Variants in EVL observed in about 807,000 individuals in gnomAD.
EVL encodes Enah/Vasp-like.
EVL carries 21 observed loss-of-function variants against 59.6 expected under a neutral mutation model. The observed-to-expected ratio is 0.35, with a 90% CI of 0.25 to 0.51. EVL has a LOEUF of 0.51. Among genes scored for constraint, EVL ranks in the 20% least tolerant of loss-of-function variants. The pLI is 0.97. For synonymous variants in EVL, 198 were observed against 203.5 expected (o/e 0.97, Z 0.23); for missense variants, 462 against 546.6 (o/e 0.85, Z 1.54).
intron 1 of EVL, among the ~76,000 whole-genome samples, chr14:99,997,407 G>C (rs1724021426): frequency 6.6e-6 from 1 of 152,260 alleles, no homozygotes; most frequent in African/African-American, 2.4e-5. Context: ...CATAGGCTTA[G>C]CCTTTATGTA....
chr14:100,081,640 G>A (rs2062309468), intron 1 of EVL, among the ~76,000 whole-genome samples: 2 of 152,202 alleles, frequency 1.3e-5, no homozygotes, highest in South Asian at 2.1e-4. Context: ...CCTAAAAGGT[G>A]TGTGTGATAC....
At chr14:100,086,416 T>G (rs2140304025) in intron 2 of EVL, among the ~76,000 whole-genome samples, 1 of 152,348 alleles carries the variant, frequency 6.6e-6, no homozygotes. Flanking sequence ...TCCATGTCTT[T>G]GACACAAGGT....
intron 1 of EVL, among the ~76,000 whole-genome samples, chr14:100,007,397 G>A (rs932631562): frequency 5.9e-5 from 9 of 152,148 alleles, no homozygotes; most frequent in Admixed American, 3.3e-4. Context: ...GGCAGGTTTG[G>A]CCTAAGCAGT....
At chr14:100,140,135 C>T (rs1889073382) in intron 11 of EVL, 1 of 150,354 alleles carries the variant, frequency 6.7e-6, no homozygotes, top group South Asian at 2.1e-4. Context: ...TCTGTAGTCC[C>T]AGCTACTCGG....
At chr14:99,979,829 A>T (rs1292442110) in intron 1 of EVL, among the ~76,000 whole-genome samples, 1 of 152,258 alleles carries the variant, frequency 6.6e-6, no homozygotes, top group Non-Finnish European at 1.5e-5. Context: ...AGATCGTGCC[A>T]CTGCACTCCA....
At chr14:99,998,213 A>T (rs1329772007) in intron 1 of EVL, among the ~76,000 whole-genome samples, 1 of 151,946 alleles carries the variant, frequency 6.6e-6, no homozygotes, top group Non-Finnish European at 1.5e-5. Flanking sequence ...AGAACCATGG[A>T]CTTACTGTGT....
At chr14:100,051,286 C>G (rs2061644030) in intron 1 of EVL, among the ~76,000 whole-genome samples, 1 of 152,198 alleles carries the variant, frequency 6.6e-6, no homozygotes, top group South Asian at 2.1e-4. Flanking sequence ...GCTGTCCACG[C>G]TACCTGCTTG....
intron 1 of EVL, among the ~76,000 whole-genome samples, chr14:100,034,493 G>T (rs1407990999): frequency 2.0e-5 from 3 of 151,868 alleles, no homozygotes; most frequent in African/African-American, 7.3e-5. Flanking sequence ...AGGTCAAAAT[G>T]AATCCCAACA....
upstream of EVL, among the ~76,000 whole-genome samples, chr14:100,061,468 A>C (rs2061832792): frequency 6.7e-6 from 1 of 149,894 alleles, no homozygotes; most frequent in Non-Finnish European, 1.5e-5. Context: ...TGCAAAAAAA[A>C]AAAAAAAAAA....
chr14:100,136,028 A>G (rs187784546), intron 9 of EVL, 60 bp downstream of exon 9: 3 of 1,576,276 alleles, frequency 1.9e-6, no homozygotes, highest in African/African-American at 1.4e-5. Flanking sequence ...GGGAGGGGGG[A>G]CCCTTCGGAC....
intron 2 of EVL, among the ~76,000 whole-genome samples, chr14:100,086,862 G>C (rs910711480): frequency 2.0e-5 from 3 of 152,150 alleles, no homozygotes; most frequent in Non-Finnish European, 2.9e-5. Context: ...ACATGGATGG[G>C]GCATGTTTAG....
At chr14:100,099,732 T>A (rs949720711) in intron 3 of EVL, among the ~76,000 whole-genome samples, 1 of 149,026 alleles carries the variant, frequency 6.7e-6, no homozygotes, top group African/African-American at 2.5e-5. Context: ...TTAAGCTTTT[T>A]TTTTTTTTTT....
At chr14:100,137,973 T>C in intron 11 of EVL, 171 bp downstream of exon 11, 1 of 645,300 alleles carries the variant, frequency 1.5e-6, no homozygotes. Context: ...GTCAGTCAGC[T>C]GCTCCGTCTT....
chr14:100,115,510 C>CA (rs1349801515), intron 3 of EVL, among the ~76,000 whole-genome samples: 1 of 152,248 alleles, frequency 6.6e-6, no homozygotes, highest in Non-Finnish European at 1.5e-5. Flanking sequence ...GTCAGTCCCC[C>CA]ACTCTCTGAA....
chr14:100,031,476 G>A (rs552751394), intron 1 of EVL, among the ~76,000 whole-genome samples: 53 of 152,320 alleles, frequency 3.5e-4, no homozygotes, highest in African/African-American at 1.2e-3. Context: ...CAAGAGCACT[G>A]GAAAATGAAA....
At chr14:100,135,057 G>A (rs141592624) in intron 8 of EVL, 46 of 152,378 alleles carry the variant, frequency 3.0e-4, no homozygotes, top group African/African-American at 1.0e-3. Context: ...CCACATGTGT[G>A]TGTTGATTGA....
chr14:100,090,600 A>C (rs1252984661), intron 2 of EVL, among the ~76,000 whole-genome samples: 1 of 152,234 alleles, frequency 6.6e-6, no homozygotes, highest in Admixed American at 6.5e-5. Context: ...TTAAAAAGAA[A>C]ATTTTGAAAA....
chr14:100,060,235 C>G (rs2061801334), intron 1 of EVL, among the ~76,000 whole-genome samples: 2 of 151,716 alleles, frequency 1.3e-5, no homozygotes, highest in Admixed American at 1.3e-4. Flanking sequence ...TCGAGACCAT[C>G]CTGGCTAACA....
At chr14:100,077,143 G>T (rs1019702755) in intron 1 of EVL, among the ~76,000 whole-genome samples, 2 of 152,164 alleles carry the variant, frequency 1.3e-5, no homozygotes, top group East Asian at 3.9e-4. Flanking sequence ...TGGTGACATT[G>T]CAATTGAAGG....
Sources: gnomAD v4.1 joint callset for allele counts (sites outside exome capture counted in the v4.1 genomes callset) on GRCh38, gnomAD v4.1.1 for gene constraint, MANE v1.5 for transcripts, NCBI Gene and HGNC (gene_info 2026-07-23, HGNC 2026-07-21) for gene names.